Variants in MYO1D observed in about 807,000 individuals in gnomAD.
MYO1D encodes the protein myosin ID.
A neutral mutation model predicts 122.0 loss-of-function variants in MYO1D; 83 were observed. The ratio of observed to expected loss-of-function variants is 0.68; its 90% confidence interval spans 0.57 to 0.82. The LOEUF (loss-of-function observed/expected upper bound fraction) is 0.82. Among genes scored for constraint, MYO1D ranks in the 40% least tolerant of loss-of-function variants. MYO1D has a pLI of 0.00. For synonymous variants in MYO1D, 464 were observed against 446.9 expected, an observed-to-expected ratio of 1.04 and a Z score of -0.48; for missense variants, 1,157 against 1,269.5, an observed-to-expected ratio of 0.91 and a Z score of 1.35.
intron 7 of MYO1D, among the ~76,000 whole-genome samples, chr17:32,766,617 C>A (rs755623282): frequency 2.0e-5 from 3 of 151,900 alleles, no homozygotes; most frequent in Non-Finnish European, 4.4e-5. Context: ...ATGGTGAAAC[C>A]CCGTCTCTAC....
intron 17 of MYO1D, among the ~76,000 whole-genome samples, chr17:32,655,582 A>G (rs2088465123): frequency 6.6e-6 from 1 of 152,106 alleles, no homozygotes; most frequent in Admixed American, 6.5e-5. Context: ...CTAGGAAGAG[A>G]AGAGAACACA....
rs114552934 is a variant in MYO1D at position 32,733,268 on chromosome 17, A to G, written c.1746+4985T>C. ...TTCTGGCGAGAAAAGTCACACCCCA[A>G]GGATTCTGTGACAGTATGAAGATAG... On this transcript the variant is annotated intron_variant, in intron 14 of 21. Coordinates refer to ENST00000318217, the MANE Select transcript of MYO1D (RefSeq NM_015194.3). 4.8e-3 allele frequency among the ~76,000 whole-genome samples: 733 copies of G among 152,296 alleles called. 10 individuals carry two copies. The highest frequency in any genetic ancestry group is 0.014 in the African/African-American group (591 of 41,570).
intron 1 of MYO1D, among the ~76,000 whole-genome samples, chr17:32,781,753 A>G (rs2090241526): frequency 6.8e-6 from 1 of 147,884 alleles, no homozygotes; most frequent in Non-Finnish European, 1.5e-5. Context: ...AAAAAAAAAT[A>G]CAAAGCTTGA....
rs117450534 is a variant in MYO1D, at chr17:32,831,103, A to C, written c.95+45675T>G. Among the ~76,000 whole-genome samples the C allele has an allele frequency of 7.8e-3, 1,184 of 152,328 alleles. 5 individuals are homozygous for C. Among genetic ancestry groups the C allele is most frequent in the Non-Finnish European group, 0.011 (782 of 68,020 alleles). On this transcript the variant is annotated intron_variant, in intron 1 of 21. Transcript: ENST00000318217. Reference sequence around the variant, plus strand: ...GAGTGCAAAAAGCAGGTATAGATTAAGTTTTCATAAATATATTACTGACTT... The same window carrying C: ...GAGTGCAAAAAGCAGGTATAGATTACGTTTTCATAAATATATTACTGACTT...
At position 32,671,369 on chromosome 17, in the gene MYO1D, C is replaced by T. The variant is rs188199283; in HGVS notation, c.2122-12031G>A. Among the ~76,000 whole-genome samples the T allele has an allele frequency of 1.5e-4, 23 of 152,220 alleles. No individual in the cohort carries two copies. The East Asian group carries it at 4.1e-3, about 27-fold the overall frequency. On this transcript the variant is annotated intron_variant, in intron 16 of 21. Transcript: ENST00000318217. The stretch of plus-strand genomic sequence containing the variant: ...CCAAGTAGACAGGGTGCCCGGGCTG[C>T]GAGTCTAGCAAAGGGGCCAAGAAAA...
chr17:32,498,327 A>G (rs1402310653), intron 21 of MYO1D: 6 of 152,226 alleles, frequency 3.9e-5, no homozygotes, highest in Non-Finnish European at 8.8e-5. Context: ...TTCTAAGCCC[A>G]CGTGAGATCT....
intron 21 of MYO1D, among the ~76,000 whole-genome samples, chr17:32,539,331 G>T (rs539932394): frequency 1.3e-5 from 2 of 149,038 alleles, no homozygotes; most frequent in East Asian, 4.0e-4. Flanking sequence ...ACACAGAGCA[G>T]CATGTTATCT....
chr17:32,863,567 A>G (rs2091096187), intron 1 of MYO1D, among the ~76,000 whole-genome samples: 1 of 152,258 alleles, frequency 6.6e-6, no homozygotes, highest in South Asian at 2.1e-4. Flanking sequence ...TATATTTTTA[A>G]AAGTTAATTT....
In MYO1D at chr17:32,687,322, A is replaced by G. The variant is rs184374603; in HGVS notation, c.2121+24666T>C. Among the ~76,000 whole-genome samples the G allele has an allele frequency of 5.8e-3, 876 of 151,192 alleles. 10 individuals are homozygous for G. Among genetic ancestry groups the G allele is most frequent in the Non-Finnish European group, 9.3e-3 (629 of 67,784 alleles). On this transcript the variant is annotated intron_variant, in intron 16 of 21. Coordinates refer to ENST00000318217, the MANE Select transcript of MYO1D (RefSeq NM_015194.3). ...CGCCATTCTCCTGCCTCAGCCTCCC[A>G]AGTAGCTGGGACTCCAGGCACCTGC...
At chr17:32,563,023 C>T (rs1170782794) in intron 21 of MYO1D, among the ~76,000 whole-genome samples, 2 of 151,970 alleles carry the variant, frequency 1.3e-5, no homozygotes, top group East Asian at 1.9e-4. Flanking sequence ...ACTGCATTCT[C>T]GTGAATGTAG....
At chr17:32,691,683 G>A (rs2150974323) in intron 16 of MYO1D, among the ~76,000 whole-genome samples, 1 of 152,238 alleles carries the variant, frequency 6.6e-6, no homozygotes, top group Middle Eastern at 3.4e-3. Context: ...TGGGATTACA[G>A]GTGTGAGCCA....
At chr17:32,742,420 A>G (rs535008693) in intron 13 of MYO1D, among the ~76,000 whole-genome samples, 3 of 152,332 alleles carry the variant, frequency 2.0e-5, no homozygotes, top group Admixed American at 1.3e-4. Flanking sequence ...CCTGGGCTAT[A>G]TTAGTTCACC....
Position 32,764,784 on chromosome 17 carries a change from T to G in MYO1D, c.1035+94A>C, listed in dbSNP as rs759820300. On this transcript the variant is annotated intron_variant, in intron 8 of 21. Coordinates refer to ENST00000318217, the MANE Select transcript of MYO1D (RefSeq NM_015194.3). ...TTATGGTTTCTAAAAGCCTTAACCC[T>G]CTTTCAAGAATGTCTGAATACATGC... is the stretch of plus-strand genomic sequence containing the variant. 434 of 1,341,702 alleles carry G rather than the reference T, an allele frequency of 3.2e-4. 1 individual carries two copies. Among genetic ancestry groups the G allele is most frequent in the Non-Finnish European group, 4.5e-4 (421 of 939,984 alleles). The allele number at this position is 1,341,702 out of a possible 1,614,324, so 83.1% of individuals were successfully genotyped here.
At chr17:32,683,880 T>C (rs933625808) in intron 16 of MYO1D, among the ~76,000 whole-genome samples, 2 of 151,876 alleles carry the variant, frequency 1.3e-5, no homozygotes, top group Admixed American at 6.6e-5. Flanking sequence ...CTCAGACTGC[T>C]GTGCTAGCAA....
At chr17:32,673,090 C>CCTTTTTT (rs2088745716) in intron 16 of MYO1D, among the ~76,000 whole-genome samples, 1 of 28,628 alleles carries the variant, frequency 3.5e-5, no homozygotes, top group African/African-American at 8.7e-5. Flanking sequence ...AAACATGCTA[C>CCTTTTTT]TTTTTTTTTT....
rs575686453 is a variant in MYO1D at position 32,858,069 on chromosome 17, T to C, written c.95+18709A>G. Among the ~76,000 whole-genome samples the C allele has an allele frequency of 1.2e-4, 18 of 152,322 alleles. 1 individual carries two copies. In the South Asian group the frequency reaches 3.7e-3, roughly 32 times the overall value. ...AATATTTTCAACTGTTCCTTTAAAA[T>C]ATGCATTTAGACAACTGGAATCCTA... is the stretch of plus-strand genomic sequence containing the variant. On this transcript the variant is annotated intron_variant, in intron 1 of 21. Coordinates refer to ENST00000318217, the MANE Select transcript of MYO1D (RefSeq NM_015194.3).
intron 1 of MYO1D, among the ~76,000 whole-genome samples, chr17:32,835,759 C>T (rs1567665106): frequency 6.6e-6 from 1 of 152,130 alleles, no homozygotes. Flanking sequence ...CCTGGTCATG[C>T]TTCTTCTGAA....
intron 20 of MYO1D, among the ~76,000 whole-genome samples, chr17:32,606,372 T>A (rs1348060683): frequency 6.6e-6 from 1 of 152,142 alleles, no homozygotes; most frequent in African/African-American, 2.4e-5. Flanking sequence ...TATTCTGATA[T>A]CAAAAATAAA....
chr17:32,803,408 A>C (rs1043904903), intron 1 of MYO1D, among the ~76,000 whole-genome samples: 6 of 152,180 alleles, frequency 3.9e-5, no homozygotes, highest in African/African-American at 1.4e-4. Flanking sequence ...GTCCTCCCAA[A>C]GTGCTGGGAT....
Sources: allele counts gnomAD v4.1 joint callset (sites outside exome capture counted in the v4.1 genomes callset), GRCh38; gene constraint gnomAD v4.1.1; transcripts MANE v1.5; gene names NCBI Gene and HGNC (gene_info 2026-07-23, HGNC 2026-07-21).